The following PTPRD variants were observed in gnomAD, a reference collection of about 807,000 sequenced individuals.
The protein encoded by PTPRD is receptor-type tyrosine-protein phosphatase delta.
A neutral mutation model predicts 214.5 loss-of-function variants in PTPRD; 34 were observed. That is an observed-to-expected ratio of 0.16 (90% CI 0.12 to 0.21). The LOEUF (loss-of-function observed/expected upper bound fraction) is 0.21. Among genes scored for constraint, PTPRD ranks in the 10% least tolerant of loss-of-function variants. PTPRD has a pLI of 1.00. For synonymous variants in PTPRD, 1,128 were observed against 845.7 expected, an observed-to-expected ratio of 1.33 and a Z score of -5.79; for missense variants, 2,545 against 2,398.7, an observed-to-expected ratio of 1.06 and a Z score of -1.27.
chr9:9,844,688 G>C (rs1467799245), intron 5 of PTPRD, among the ~76,000 whole-genome samples: 1 of 151,760 alleles, frequency 6.6e-6, no homozygotes, highest in Admixed American at 6.6e-5. Context: ...TTATCTTTTA[G>C]TGATCAGTAT....
chr9:9,517,971 G>C (rs537831254), intron 8 of PTPRD, among the ~76,000 whole-genome samples: 1 of 151,148 alleles, frequency 6.6e-6, no homozygotes, highest in African/African-American at 2.4e-5. Context: ...TTAATTTTTG[G>C]GTTTCTGTAA....
In PTPRD at chr9:8,447,126, A is replaced by G. The variant is rs561956093; in HGVS notation, c.3988+2599T>C. Among the ~76,000 whole-genome samples the G allele has an allele frequency of 2.0e-5, 3 of 152,334 alleles. No homozygotes were observed. The East Asian group carries it at 5.8e-4, about 29-fold the overall frequency. ...GAATTGCTTACCTGAGCTAAAGGGC[A>G]TAATGTACTGCTTCCTGAGTGAACA... is the stretch of plus-strand genomic sequence containing the variant. On this transcript the variant is annotated intron_variant, in intron 34 of 45. Coordinates refer to ENST00000381196, the MANE Select transcript of PTPRD (RefSeq NM_002839.4).
chr9:9,274,727 A>C (rs1306252886), intron 9 of PTPRD, among the ~76,000 whole-genome samples: 1 of 151,168 alleles, frequency 6.6e-6, no homozygotes, highest in East Asian at 2.0e-4. Flanking sequence ...GGTGTCTTAA[A>C]ATACATATTC....
At chr9:10,452,132 T>C (rs1257233277) in intron 2 of PTPRD, among the ~76,000 whole-genome samples, 3 of 151,964 alleles carry the variant, frequency 2.0e-5, no homozygotes, top group Non-Finnish European at 2.9e-5. Context: ...GTATTATCAA[T>C]AGATTATTAC....
chr9:9,275,069 T>TATATATA (rs1314200048), intron 9 of PTPRD, among the ~76,000 whole-genome samples: 9,934 of 65,574 alleles, frequency 0.15, 1,015 homozygotes, highest in Non-Finnish European at 0.2. Flanking sequence ...ATATATATTA[T>TATATATA]ATATATATAT....
intron 5 of PTPRD, among the ~76,000 whole-genome samples, chr9:9,879,791 G>C (rs574054384): frequency 2.0e-4 from 30 of 152,244 alleles, no homozygotes; most frequent in Non-Finnish European, 4.1e-4. Context: ...TTGCTTCTTG[G>C]TTTTTCTGAT....
At chr9:9,455,857 G>A (rs2092916473) in intron 8 of PTPRD, among the ~76,000 whole-genome samples, 9 of 151,792 alleles carry the variant, frequency 5.9e-5, no homozygotes, top group Admixed American at 5.9e-4. Flanking sequence ...TGCTACTAGA[G>A]CAGGGAAAGA....
chr9:8,424,550 C>T (rs930088459), intron 35 of PTPRD, among the ~76,000 whole-genome samples: 7 of 152,200 alleles, frequency 4.6e-5, no homozygotes, highest in Non-Finnish European at 8.8e-5. Flanking sequence ...CTATCACCAT[C>T]ATCCTTGTAA....
chr9:10,054,790 T>C (rs2097593202), intron 3 of PTPRD, among the ~76,000 whole-genome samples: 1 of 152,132 alleles, frequency 6.6e-6, no homozygotes, highest in African/African-American at 2.4e-5. Context: ...TACAGTCTTT[T>C]TCCTACTGGA....
At chr9:9,359,497 C>T (rs1410233566) in intron 9 of PTPRD, among the ~76,000 whole-genome samples, 2 of 151,216 alleles carry the variant, frequency 1.3e-5, no homozygotes, top group East Asian at 1.9e-4. Context: ...AAACACATAG[C>T]TAAATTGACA....
chr9:8,721,730 A>G (rs2098501252), intron 12 of PTPRD, among the ~76,000 whole-genome samples: 1 of 152,244 alleles, frequency 6.6e-6, no homozygotes, highest in African/African-American at 2.4e-5. Flanking sequence ...ACATAAAGTG[A>G]TAAGGCAATC....
intron 2 of PTPRD, among the ~76,000 whole-genome samples, chr9:10,395,988 A>ACCTCCTCCATACTT (rs2098162678): frequency 6.6e-6 from 1 of 151,622 alleles, no homozygotes; most frequent in Non-Finnish European, 1.5e-5. Context: ...AGACAGCGAG[A>ACCTCCTCCATACTT]GACACAGCGA....
intron 11 of PTPRD, among the ~76,000 whole-genome samples, chr9:8,775,712 G>T (rs1340355641): frequency 6.6e-6 from 1 of 152,124 alleles, no homozygotes; most frequent in Non-Finnish European, 1.5e-5. Flanking sequence ...GGCTGGGCAT[G>T]GTGGCTCACA....
At position 9,863,660 on chromosome 9, in the gene PTPRD, G is replaced by C. The variant is rs532289346; in HGVS notation, c.-368+74847C>G. 8.5e-5 allele frequency among the ~76,000 whole-genome samples: 13 copies of C among 152,186 alleles called. No individual in the cohort carries two copies. The South Asian group carries it at 2.5e-3, about 29-fold the overall frequency. ...TTTCCCCAGAGATTTATTAAGAATG[G>C]ACATGTGACCCTCTTACGTCACTGA... On this transcript the variant is annotated intron_variant, in intron 5 of 45. Coordinates refer to ENST00000381196, the MANE Select transcript of PTPRD (RefSeq NM_002839.4).
intron 31 of PTPRD, among the ~76,000 whole-genome samples, chr9:8,465,983 T>C (rs1349607097): frequency 2.6e-5 from 4 of 151,890 alleles, no homozygotes; most frequent in East Asian, 1.9e-4. Flanking sequence ...AAGTGCATCA[T>C]AACTTGTCTA....
intron 4 of PTPRD, among the ~76,000 whole-genome samples, chr9:9,950,046 C>T (rs1404190552): frequency 6.6e-6 from 1 of 152,176 alleles, no homozygotes; most frequent in South Asian, 2.1e-4. Context: ...TCTTAACGTA[C>T]CATCATAGTC....
At chr9:8,537,388 G>A (rs949995105) in intron 14 of PTPRD, among the ~76,000 whole-genome samples, 2 of 151,852 alleles carry the variant, frequency 1.3e-5, no homozygotes, top group Admixed American at 6.6e-5. Flanking sequence ...TGGAACATAC[G>A]ATAAATATAA....
At chr9:9,937,622 C>CA (rs1283851664) in intron 5 of PTPRD, among the ~76,000 whole-genome samples, 7 of 152,066 alleles carry the variant, frequency 4.6e-5, no homozygotes, top group Non-Finnish European at 1.0e-4. Flanking sequence ...TGAGGTATTT[C>CA]ATAAATAGAC....
At chr9:10,264,026 G>A (rs373940109) in intron 3 of PTPRD, among the ~76,000 whole-genome samples, 22 of 152,318 alleles carry the variant, frequency 1.4e-4, no homozygotes, top group African/African-American at 5.1e-4. Context: ...ACAGGGTGCT[G>A]AGCCTGCGAG....
Sources: gnomAD v4.1 joint callset for allele counts (sites outside exome capture counted in the v4.1 genomes callset) on GRCh38, gnomAD v4.1.1 for gene constraint, MANE v1.5 for transcripts, NCBI Gene and HGNC (gene_info 2026-07-23, HGNC 2026-07-21) for gene names.